ZFAT: variants seen among roughly 807,000 people sequenced by gnomAD.
ZFAT encodes the protein zinc finger and AT-hook domain containing.
Under a neutral mutation model 117.7 loss-of-function variants are expected in ZFAT, and 64 were observed. That is an observed-to-expected ratio of 0.54 (90% CI 0.44 to 0.67). The LOEUF (loss-of-function observed/expected upper bound fraction) is 0.67, where lower values mean the gene tolerates loss of function less well. ZFAT is among the 30% of genes least tolerant of loss of function. The pLI, the probability that ZFAT is intolerant of heterozygous loss-of-function variation, is 0.00. For synonymous variants in ZFAT, 679 were observed against 615.0 expected (o/e 1.10, Z -1.54); for missense variants, 1,433 against 1,584.5 (o/e 0.90, Z 1.62).
At chr8:134,801,724 G>A in the ZFAT span, among the ~76,000 whole-genome samples, 1 of 151,836 alleles carries the variant, frequency 6.6e-6, no homozygotes, top group South Asian at 2.1e-4. Flanking sequence ...CTTTTTCTCT[G>A]GGAGAAAAAA....
the ZFAT span, among the ~76,000 whole-genome samples, chr8:134,807,869 C>T: frequency 2.9e-3 from 435 of 152,136 alleles, 1 homozygote; most frequent in African/African-American, 9.7e-3. Context: ...AATTAATAAA[C>T]TTAATCTACT....
intron 5 of ZFAT, among the ~76,000 whole-genome samples, chr8:134,604,640 T>C (rs551057844): frequency 1.1e-4 from 17 of 152,370 alleles, no homozygotes; most frequent in African/African-American, 2.9e-4. Flanking sequence ...CCAGATACCA[T>C]TCAACTGTAC....
intron 15 of ZFAT, among the ~76,000 whole-genome samples, chr8:134,507,556 G>A (rs1819507843): frequency 1.3e-5 from 2 of 152,160 alleles, no homozygotes; most frequent in Non-Finnish European, 1.5e-5. Flanking sequence ...TCAGAAGGGC[G>A]GCACTGTTTT....
At chr8:134,526,809 G>C (rs1340082003) in intron 12 of ZFAT, among the ~76,000 whole-genome samples, 2 of 151,468 alleles carry the variant, frequency 1.3e-5, no homozygotes, top group South Asian at 4.2e-4. Flanking sequence ...CTTCTATGAA[G>C]GTGAAGATGC....
At chr8:134,561,887 G>A (rs187617196) in intron 11 of ZFAT, among the ~76,000 whole-genome samples, 46 of 152,320 alleles carry the variant, frequency 3.0e-4, no homozygotes, top group African/African-American at 9.4e-4. Flanking sequence ...AAAAGTGGGG[G>A]GGTATGGTTG....
At chr8:134,766,761 T>C in the ZFAT span, 1 of 152,206 alleles carries the variant, frequency 6.6e-6, no homozygotes, top group African/African-American at 2.4e-5. Flanking sequence ...ATGAAGGAAC[T>C]GAAACACAGA....
intron 15 of ZFAT, among the ~76,000 whole-genome samples, chr8:134,491,307 T>G (rs1027351171): frequency 6.6e-6 from 1 of 152,238 alleles, no homozygotes; most frequent in Non-Finnish European, 1.5e-5. Flanking sequence ...AGTCTCACCC[T>G]CAAGTCACAA....
the ZFAT span, among the ~76,000 whole-genome samples, chr8:134,790,784 G>T: frequency 6.6e-6 from 1 of 152,102 alleles, no homozygotes; most frequent in Non-Finnish European, 1.5e-5. Flanking sequence ...GGAGGCCAAG[G>T]TGGGAGGATC....
chr8:134,639,771 C>T lies in ZFAT; in HGVS notation c.197-2059G>A, dbSNP rs944449296. On this transcript the variant is annotated intron_variant, in intron 2 of 15. Transcript: ENST00000377838. ...AATTAGCAGAGAGGCTACAAAACAC[C>T]CACCTCGTGTCATGTCAGCTGAGTT... 10 of 448,728 alleles carry T rather than the reference C, an allele frequency of 2.2e-5. No homozygotes were observed. The Admixed American group carries it at 2.4e-4, about 11-fold the overall frequency. The allele number at this position is 448,728 out of a possible 1,614,324, so 27.8% of individuals were successfully genotyped here. A position where few individuals can be genotyped will look rare whatever the true frequency, so the allele number is the denominator to read the frequency against.
At chr8:134,521,932 C>A (rs563777586) in intron 12 of ZFAT, among the ~76,000 whole-genome samples, 1 of 152,324 alleles carries the variant, frequency 6.6e-6, no homozygotes, top group Admixed American at 6.5e-5. Context: ...CCGATTCCAG[C>A]AGGTCATTCC....
chr8:134,672,369 G>A (rs868448345), intron 1 of ZFAT, among the ~76,000 whole-genome samples: 31 of 152,272 alleles, frequency 2.0e-4, no homozygotes, highest in African/African-American at 6.7e-4. Flanking sequence ...AGAACACTTG[G>A]ACACAGGAAA....
At chr8:134,727,125 C>T in the ZFAT span, among the ~76,000 whole-genome samples, 10 of 147,652 alleles carry the variant, frequency 6.8e-5, no homozygotes, top group South Asian at 2.1e-4. Context: ...AGGAGTGACA[C>T]GAAGTGGAGA....
chr8:134,800,526 T>C, the ZFAT span: 1 of 511,854 alleles, frequency 2.0e-6, no homozygotes, highest in Admixed American at 2.0e-5. Flanking sequence ...ACATTCCAAG[T>C]CAGCTGAAGT....
At chr8:134,525,354 T>C (rs775703271) in intron 12 of ZFAT, among the ~76,000 whole-genome samples, 4 of 152,310 alleles carry the variant, frequency 2.6e-5, no homozygotes, top group Non-Finnish European at 4.4e-5. Context: ...ACCACTAAGA[T>C]GCTTATACTT....
Position 134,689,884 on chromosome 8 carries a change from C to G in ZFAT, c.19+22961G>C, listed in dbSNP as rs540255963. Among the ~76,000 whole-genome samples the G allele has an allele frequency of 1.4e-4, 22 of 152,356 alleles. No homozygotes were observed. The South Asian group carries it at 4.6e-3, about 32-fold the overall frequency. ...AGGCCACTGCTGTCCAACAGATACA[C>G]AGCATGGCCACTGATGTCATTTAAA... is the stretch of plus-strand genomic sequence containing the variant. On this transcript the variant is annotated intron_variant, in intron 1 of 15. Transcript: ENST00000377838.
chr8:134,532,499 C>T (rs963373863), intron 12 of ZFAT, among the ~76,000 whole-genome samples: 3 of 152,098 alleles, frequency 2.0e-5, no homozygotes, highest in South Asian at 2.1e-4. Context: ...GAAAGACAAC[C>T]GAACTTTCAT....
intron 4 of ZFAT, 72 bp downstream of exon 4, chr8:134,610,398 G>A: frequency 2.7e-6 from 4 of 1,492,838 alleles, no homozygotes; most frequent in East Asian, 2.3e-5. Context: ...GACTCAGACT[G>A]TGACATCAGG....
chr8:134,619,907 A>G (rs1484446016), intron 3 of ZFAT, among the ~76,000 whole-genome samples: 1 of 152,188 alleles, frequency 6.6e-6, no homozygotes, highest in Admixed American at 6.5e-5. Flanking sequence ...ATTGAAGTCC[A>G]GCAGCCTGCA....
At chr8:134,821,484 C>G in the ZFAT span, among the ~76,000 whole-genome samples, 2 of 151,362 alleles carry the variant, frequency 1.3e-5, no homozygotes, top group Non-Finnish European at 2.9e-5. Context: ...CTGACAAAAA[C>G]TTTGTCATGA....
Sources: allele counts gnomAD v4.1 joint callset (sites outside exome capture counted in the v4.1 genomes callset), GRCh38; gene constraint gnomAD v4.1.1; transcripts MANE v1.5; gene names NCBI Gene and HGNC (gene_info 2026-07-23, HGNC 2026-07-21).